Variants in PDHX observed in about 807,000 individuals in gnomAD.
PDHX encodes the protein pyruvate dehydrogenase protein X component, mitochondrial.
PDHX carries 33 observed loss-of-function variants against 55.3 expected under a neutral mutation model. The observed-to-expected ratio is 0.60, with a 90% CI of 0.45 to 0.80. The LOEUF is 0.80. Ranked by LOEUF, PDHX falls within the 30% of genes least tolerant of loss-of-function variation. The pLI is 0.00. For missense variants in PDHX, 622 were observed against 619.9 expected, an observed-to-expected ratio of 1.00 and a Z score of -0.04; for synonymous variants, 226 against 219.4, an observed-to-expected ratio of 1.03 and a Z score of -0.27.
At chr11:34,988,014 A>G (rs892687520) in intron 9 of PDHX, among the ~76,000 whole-genome samples, 2 of 152,208 alleles carry the variant, frequency 1.3e-5, no homozygotes, top group African/African-American at 2.4e-5. Context: ...GAGTCTCGTC[A>G]GTATTTCTAC....
intron 7 of PDHX, among the ~76,000 whole-genome samples, chr11:34,970,632 A>T (rs1337569056): frequency 1.3e-5 from 2 of 152,224 alleles, no homozygotes; most frequent in Non-Finnish European, 2.9e-5. Context: ...ATTCTCTGTT[A>T]CATACTGAGC....
chr11:34,963,495 G>C (rs1231474149), intron 5 of PDHX, among the ~76,000 whole-genome samples: 1 of 152,140 alleles, frequency 6.6e-6, no homozygotes, highest in Non-Finnish European at 1.5e-5. Flanking sequence ...GCCCAGGCTG[G>C]TCTCAAGCTC....
intron 3 of PDHX, among the ~76,000 whole-genome samples, chr11:34,954,037 G>C (rs1854845593): frequency 6.6e-6 from 1 of 152,064 alleles, no homozygotes. Flanking sequence ...GTTCATATAA[G>C]ATAAACAGTA....
At chr11:34,992,492 A>T (rs541360533) in intron 10 of PDHX, 113 bp downstream of exon 10, 2 of 661,912 alleles carry the variant, frequency 3.0e-6, no homozygotes, top group East Asian at 5.7e-5. Context: ...TAAGCTAAAA[A>T]TACTTTATTT....
chr11:34,985,481 T>G (rs1855621018), intron 9 of PDHX, among the ~76,000 whole-genome samples: 1 of 152,192 alleles, frequency 6.6e-6, no homozygotes, highest in African/African-American at 2.4e-5. Context: ...AAAGTTACTT[T>G]ATTTTTTCAG....
At chr11:34,970,816 A>G (rs1410331121) in intron 7 of PDHX, among the ~76,000 whole-genome samples, 1 of 152,210 alleles carries the variant, frequency 6.6e-6, no homozygotes, top group Non-Finnish European at 1.5e-5. Flanking sequence ...AAATCTGAAT[A>G]AATTTTGAAA....
chr11:34,979,317 T>TA (rs1855453614), intron 8 of PDHX, among the ~76,000 whole-genome samples: 1 of 152,090 alleles, frequency 6.6e-6, no homozygotes, highest in East Asian at 1.9e-4. Context: ...CAGGTGAACA[T>TA]ATGAGCCTGC....
chr11:34,916,552 A>C, upstream of PDHX: 1 of 1,517,910 alleles, frequency 6.6e-7, no homozygotes, highest in Non-Finnish European at 8.8e-7. Flanking sequence ...GAGAGACCTA[A>C]AGGCACCGCT....
At chr11:34,970,089 T>C in intron 6 of PDHX, 50 bp from the exon 7 acceptor site, 1 of 1,564,052 alleles carries the variant, frequency 6.4e-7, no homozygotes, top group Non-Finnish European at 8.8e-7. Flanking sequence ...TTTTGTTTTA[T>C]TTTTCTATTC....
chr11:34,930,171 G>A (rs1854123020), intron 1 of PDHX, among the ~76,000 whole-genome samples: 1 of 152,198 alleles, frequency 6.6e-6, no homozygotes, highest in African/African-American at 2.4e-5. Context: ...GAAACTGCAG[G>A]TTGTCTATGA....
chr11:34,930,310 G>GA (rs1854126199), intron 1 of PDHX, among the ~76,000 whole-genome samples: 1 of 152,210 alleles, frequency 6.6e-6, no homozygotes, highest in South Asian at 2.1e-4. Flanking sequence ...CAAAGAGGTG[G>GA]AAGCGCCTTT....
intron 1 of PDHX, among the ~76,000 whole-genome samples, chr11:34,926,686 A>G (rs891823649): frequency 6.6e-6 from 1 of 151,978 alleles, no homozygotes; most frequent in African/African-American, 2.4e-5. Flanking sequence ...TTTTTAATCT[A>G]GAGACCTTTT....
intron 3 of PDHX, among the ~76,000 whole-genome samples, chr11:34,949,585 A>G (rs1590745345): frequency 6.6e-6 from 1 of 151,822 alleles, no homozygotes; most frequent in African/African-American, 2.4e-5. Context: ...TATACATTTA[A>G]AGATCAGTTC....
intron 8 of PDHX, among the ~76,000 whole-genome samples, chr11:34,982,644 C>T (rs2133995697): frequency 6.6e-6 from 1 of 152,302 alleles, no homozygotes; most frequent in East Asian, 1.9e-4. Context: ...ACTATAAACA[C>T]CTCTACGTAA....
intron 1 of PDHX, among the ~76,000 whole-genome samples, chr11:34,917,885 C>G (rs1444034547): frequency 6.6e-6 from 1 of 152,150 alleles, no homozygotes; most frequent in African/African-American, 2.4e-5. Context: ...TTTTTTCCAG[C>G]TCCTAGAGAT....
intron 1 of PDHX, among the ~76,000 whole-genome samples, chr11:34,928,970 T>A (rs1187796024): frequency 6.6e-6 from 1 of 152,254 alleles, no homozygotes; most frequent in African/African-American, 2.4e-5. Flanking sequence ...TTTTGAAAGC[T>A]ATCTTCTAGT....
intron 3 of PDHX, among the ~76,000 whole-genome samples, chr11:34,952,312 AAG>A: frequency 6.6e-6 from 1 of 152,214 alleles, no homozygotes; most frequent in Non-Finnish European, 1.5e-5. Flanking sequence ...TCAATAGAAA[AAG>A]AGGGAATCCT....
rs1190614553 is a variant in PDHX at position 34,960,457 on chromosome 11, A to G, written c.580A>G (p.Lys194Glu). 6.2e-7 allele frequency: 1 copy of G among 1,613,486 alleles called. No homozygotes were observed. Among genetic ancestry groups the G allele is most frequent in the African/African-American group, 1.3e-5 (1 of 74,874 alleles). ...TCCAGCTGCCCGCAATATTCTGGAAAAACACTCACTGGATGCTAGCCAGGG... is the reference window on the plus strand; with the variant it reads ...TCCAGCTGCCCGCAATATTCTGGAAGAACACTCACTGGATGCTAGCCAGGG... ...LSPAARNILE[K>E]HSLDASQGTA... Residue 194 changes from lysine (K) to glutamate (E), a missense_variant, in exon 5 of 11, where the codon AAA (lysine) becomes GAA (glutamate). By Grantham distance (56) the Lys-to-Glu change is moderately conservative. Transcript: ENST00000227868.
rs750044524 is a variant in PDHX at position 34,992,357 on chromosome 11, G to C, written c.1225G>C (p.Glu409Gln). ...KARDGKLLPE[E>Q]YQGGSFSISN... ...AAGAGATGGAAAATTGTTGCCTGAAGAATACCAAGGAGGATCTTTTAGGTA... is the reference window on the plus strand; with the variant it reads ...AAGAGATGGAAAATTGTTGCCTGAACAATACCAAGGAGGATCTTTTAGGTA... Residue 409 changes from glutamate (E) to glutamine (Q), a missense_variant, in exon 10 of 11, where the codon GAA becomes CAA. By Grantham distance (29) the Glu-to-Gln change is conservative. Coordinates refer to ENST00000227868, the MANE Select transcript of PDHX (RefSeq NM_003477.3). 1 of 1,595,336 alleles carries C rather than the reference G, an allele frequency of 6.3e-7. No homozygotes were observed. The highest frequency in any genetic ancestry group is 8.6e-7 in the Non-Finnish European group (1 of 1,163,798).
Sources: allele counts gnomAD v4.1 joint callset (sites outside exome capture counted in the v4.1 genomes callset), GRCh38; gene constraint gnomAD v4.1.1; transcripts MANE v1.5; gene names NCBI Gene and HGNC (gene_info 2026-07-23, HGNC 2026-07-21).